LRRC37A2: variants seen among roughly 807,000 people sequenced by gnomAD.
LRRC37A2 encodes leucine rich repeat containing 37 member A2, also known as leucine-rich repeat-containing protein 37A2.
A neutral mutation model predicts 68.8 loss-of-function variants in LRRC37A2; 9 were observed. That is an observed-to-expected ratio of 0.13 (90% CI 0.08 to 0.23). The LOEUF (loss-of-function observed/expected upper bound fraction) is 0.23, where lower values mean the gene tolerates loss of function less well. LRRC37A2 is among the 10% of genes least tolerant of loss of function. LRRC37A2 has a pLI of 1.00. For synonymous variants in LRRC37A2, 63 were observed against 367.6 expected (o/e 0.17, Z 9.48); for missense variants, 168 against 950.4 (o/e 0.18, Z 10.82).
chr17:46,940,269 C>T, the LRRC37A2 span: 1 of 1,431,164 alleles, frequency 7.0e-7, no homozygotes, highest in Non-Finnish European at 9.1e-7. Flanking sequence ...GAGGAGATCT[C>T]CATTGTTCCT....
the LRRC37A2 span, among the ~76,000 whole-genome samples, chr17:46,898,880 G>A: frequency 3.3e-4 from 50 of 152,218 alleles, no homozygotes; most frequent in Admixed American, 5.9e-4. Flanking sequence ...TAAACATAGC[G>A]TTACCATATG....
At chr17:47,019,513 C>T in the LRRC37A2 span, 1 of 1,538,554 alleles carries the variant, frequency 6.5e-7, no homozygotes, top group Non-Finnish European at 9.0e-7. Flanking sequence ...AAGACTACAG[C>T]TCCTCATCCA....
At chr17:46,817,850 T>A in the LRRC37A2 span, among the ~76,000 whole-genome samples, 3 of 152,088 alleles carry the variant, frequency 2.0e-5, no homozygotes, top group African/African-American at 7.2e-5. Flanking sequence ...ACCCCCCTTT[T>A]GCCAGGGTGG....
the LRRC37A2 span, among the ~76,000 whole-genome samples, chr17:46,790,831 C>G: frequency 6.6e-6 from 1 of 152,228 alleles, no homozygotes; most frequent in African/African-American, 2.4e-5. Context: ...GGCTACTGCG[C>G]TCGCGTTTTA....
the LRRC37A2 span, chr17:46,768,935 G>A: frequency 3.7e-6 from 5 of 1,349,434 alleles, no homozygotes; most frequent in South Asian, 4.3e-5. This position sits in a 1 kb window ranked among gnomAD's most constrained non-coding sequence, Gnocchi z 5.0. Context: ...GAACTGATGG[G>A]GACTGAGGCA....
chr17:46,929,809 A>G, the LRRC37A2 span: 4 of 529,520 alleles, frequency 7.6e-6, no homozygotes, highest in Non-Finnish European at 1.4e-5. Flanking sequence ...ACTCAACCTG[A>G]CATGGCCCTA....
chr17:46,800,534 C>T, the LRRC37A2 span, among the ~76,000 whole-genome samples: 1 of 152,276 alleles, frequency 6.6e-6, no homozygotes, highest in South Asian at 2.1e-4. Flanking sequence ...ACTGGGAAGA[C>T]AAGACAGATG....
chr17:46,902,879 TC>T, the LRRC37A2 span, among the ~76,000 whole-genome samples: 6 of 152,158 alleles, frequency 3.9e-5, no homozygotes, highest in Admixed American at 1.3e-4. Context: ...GTGTGGTTAT[TC>T]CTTTTTCCTT....
chr17:46,978,340 G>A, the LRRC37A2 span: 4 of 389,912 alleles, frequency 1.0e-5, no homozygotes, highest in Admixed American at 9.9e-5. Flanking sequence ...GTCCCAAATT[G>A]CATCTCCATA....
At chr17:46,490,828 C>T in the LRRC37A2 span, among the ~76,000 whole-genome samples, 1 of 150,216 alleles carries the variant, frequency 6.7e-6, no homozygotes, top group Non-Finnish European at 1.5e-5. Context: ...TTTGGTTCCT[C>T]TCATTAGGTA....
chr17:46,806,085 C>T, the LRRC37A2 span, among the ~76,000 whole-genome samples: 1 of 152,072 alleles, frequency 6.6e-6, no homozygotes, highest in Admixed American at 6.6e-5. Flanking sequence ...ATACCCGGGA[C>T]ATCATAAGCG....
the LRRC37A2 span, among the ~76,000 whole-genome samples, chr17:47,004,292 CCA>C: frequency 1.4e-4 from 21 of 152,204 alleles, no homozygotes; most frequent in Admixed American, 2.6e-4. Context: ...TAAGGAATCG[CCA>C]CAGTGTCTTC....
At chr17:46,932,104 C>T in the LRRC37A2 span, 1 of 1,613,268 alleles carries the variant, frequency 6.2e-7, no homozygotes, top group Non-Finnish European at 8.5e-7. Flanking sequence ...CCAGCACCTG[C>T]AGACTGCGCT....
the LRRC37A2 span, among the ~76,000 whole-genome samples, chr17:47,020,890 A>C: frequency 3.3e-5 from 5 of 151,812 alleles, no homozygotes; most frequent in East Asian, 9.7e-4. Context: ...TTGGTGCTAG[A>C]ATTTGCCAGA....
the LRRC37A2 span, among the ~76,000 whole-genome samples, chr17:46,774,230 A>G: frequency 2.0e-5 from 3 of 152,266 alleles, no homozygotes; most frequent in African/African-American, 4.8e-5. Flanking sequence ...GCCCAGATCC[A>G]GTCCTTTCCA....
chr17:47,028,161 A>G, the LRRC37A2 span: 1 of 731,152 alleles, frequency 1.4e-6, no homozygotes, highest in Admixed American at 2.3e-5. Context: ...AGATTTCCTT[A>G]GTGCATAGAG....
At chr17:46,939,729 A>G in the LRRC37A2 span, 1 of 986,728 alleles carries the variant, frequency 1.0e-6, no homozygotes. Flanking sequence ...AGACATCTGT[A>G]GTGTGTATGT....
chr17:46,748,101 T>TTTTA, the LRRC37A2 span, among the ~76,000 whole-genome samples: 5 of 152,224 alleles, frequency 3.3e-5, no homozygotes, highest in South Asian at 4.2e-4. Flanking sequence ...TTTCTAACCT[T>TTTTA]TTTATTTATT....
In LRRC37A2 at chr17:46,546,361, AC is replaced by A. The variant is rs1383083128; in HGVS notation, c.3162del (p.Thr1055HisfsTer9). 1 of 710,622 alleles carries A rather than the reference AC, an allele frequency of 1.4e-6. No homozygotes were observed. Among genetic ancestry groups the A allele is most frequent in the East Asian group, 2.6e-5 (1 of 38,802 alleles). The allele number at this position is 710,622 out of a possible 1,614,324, so 44.0% of individuals were successfully genotyped here. ...TTGCAACAGTGCATGTCTGACAAAC[AC>A]CACACATTGTCGTGAGTCCAAATTG... is the stretch of plus-strand genomic sequence containing the variant. On this transcript the variant is annotated frameshift_variant, in exon 9 of 15. Transcript: ENST00000576629. LOFTEE classifies it high-confidence loss of function.
Sources: allele counts gnomAD v4.1 joint callset (sites outside exome capture counted in the v4.1 genomes callset), GRCh38; gene constraint gnomAD v4.1.1; non-coding constraint Gnocchi (gnomAD v3.1); transcripts MANE v1.5; gene names NCBI Gene and HGNC (gene_info 2026-07-23, HGNC 2026-07-21).